MSI2: variants seen among roughly 807,000 people sequenced by gnomAD.
MSI2 encodes RNA-binding protein Musashi homolog 2.
MSI2 carries 17 observed loss-of-function variants against 45.6 expected under a neutral mutation model. That is an observed-to-expected ratio of 0.37 (90% confidence interval 0.26 to 0.56). The LOEUF (loss-of-function observed/expected upper bound fraction) is 0.56. MSI2 is among the 20% of genes least tolerant of loss of function. The pLI, the probability that MSI2 is intolerant of heterozygous loss-of-function variation, is 0.77. For missense variants in MSI2, 293 were observed against 444.2 expected, an observed-to-expected ratio of 0.66 and a Z score of 3.06; for synonymous variants, 156 against 158.2, an observed-to-expected ratio of 0.99 and a Z score of 0.11.
chr17:57,535,501 C>T (rs1022782503), intron 7 of MSI2, among the ~76,000 whole-genome samples: 5 of 152,180 alleles, frequency 3.3e-5, no homozygotes, highest in African/African-American at 4.8e-5. Flanking sequence ...ACAGGAGACA[C>T]GGGGAGAGAA....
intron 5 of MSI2, among the ~76,000 whole-genome samples, chr17:57,315,770 C>A (rs541097682): frequency 6.6e-6 from 1 of 152,284 alleles, no homozygotes. Context: ...TGGGAGACTT[C>A]TTCCGTGGAA....
chr17:57,544,847 G>A (rs2087127900), intron 7 of MSI2, among the ~76,000 whole-genome samples: 1 of 152,190 alleles, frequency 6.6e-6, no homozygotes. Flanking sequence ...TTCAAAGGAT[G>A]CTTAAACTCA....
intron 10 of MSI2, among the ~76,000 whole-genome samples, chr17:57,648,787 C>G (rs1910892728): frequency 6.6e-6 from 1 of 152,188 alleles, no homozygotes; most frequent in Admixed American, 6.5e-5. Flanking sequence ...GCACTCTCTG[C>G]TAAGGCAGTC....
intron 5 of MSI2, among the ~76,000 whole-genome samples, chr17:57,365,543 G>T (rs933363208): frequency 2.9e-4 from 44 of 152,156 alleles, no homozygotes; most frequent in Non-Finnish European, 5.4e-4. Context: ...GCAGGGTAGA[G>T]GGTGACCTGG....
At chr17:57,310,339 T>C (rs1420457446) in intron 5 of MSI2, among the ~76,000 whole-genome samples, 1 of 151,874 alleles carries the variant, frequency 6.6e-6, no homozygotes, top group African/African-American at 2.4e-5. Flanking sequence ...TGTGTTATTT[T>C]TTTTTTTTTT....
At chr17:57,404,234 A>C (rs1598222738) in intron 6 of MSI2, among the ~76,000 whole-genome samples, 1 of 152,024 alleles carries the variant, frequency 6.6e-6, no homozygotes, top group East Asian at 1.9e-4. Flanking sequence ...GCTCTCCAGG[A>C]GGTAGAGCTG....
chr17:57,460,152 T>C (rs968953345), intron 6 of MSI2, among the ~76,000 whole-genome samples: 3 of 150,282 alleles, frequency 2.0e-5, no homozygotes, highest in Non-Finnish European at 3.0e-5. Flanking sequence ...AATAAATAAA[T>C]AAATAAATAA....
intron 6 of MSI2, among the ~76,000 whole-genome samples, chr17:57,496,015 C>A (rs2143834215): frequency 6.6e-6 from 1 of 152,262 alleles, no homozygotes; most frequent in Admixed American, 6.5e-5. Context: ...AGTTAATATA[C>A]TTGAATGATA....
intron 5 of MSI2, among the ~76,000 whole-genome samples, chr17:57,289,228 A>G (rs77841264): frequency 0.043 from 6,617 of 152,234 alleles, 248 homozygotes; most frequent in East Asian, 0.18. Context: ...CTTTTGGTTA[A>G]GTGAAAGGGC....
In MSI2 at chr17:57,652,201, C is replaced by T. The variant is rs1449626895; in HGVS notation, c.790+40C>T. On this transcript the variant is annotated intron_variant, in intron 11 of 13. Coordinates refer to ENST00000284073, the MANE Select transcript of MSI2 (RefSeq NM_138962.4). This position sits in a 1 kb window ranked among gnomAD's most constrained non-coding sequence, Gnocchi z 4.1. ...GGGACAGGCGACTCCCAGGCATGCC[C>T]CCAGTGTGCAGGGGGAGGTCAAGGC... 1 of 1,593,528 alleles carries T rather than the reference C, an allele frequency of 6.3e-7. No individual in the cohort carries two copies. Among genetic ancestry groups the T allele is most frequent in the South Asian group, 1.1e-5 (1 of 90,636 alleles).
chr17:57,533,756 C>T (rs1047398399), intron 7 of MSI2, among the ~76,000 whole-genome samples: 1 of 152,176 alleles, frequency 6.6e-6, no homozygotes, highest in Admixed American at 6.5e-5. Context: ...CAGGGGTCCC[C>T]AGCTGGGGTG....
intron 6 of MSI2, among the ~76,000 whole-genome samples, chr17:57,508,538 G>A (rs2086285091): frequency 6.6e-6 from 1 of 152,190 alleles, no homozygotes; most frequent in Admixed American, 6.5e-5. Context: ...ATGCTGGCTG[G>A]GAAGAAGTCT....
chr17:57,462,865 T>C (rs78436798), intron 6 of MSI2, among the ~76,000 whole-genome samples: 6,074 of 152,320 alleles, frequency 0.04, 374 homozygotes, highest in African/African-American at 0.13. Context: ...GGCACCTTCC[T>C]GTTATAGTCT....
rs111694739 is a variant in MSI2, at chr17:57,365,876, T to C, written c.313-35503T>C. Among the ~76,000 whole-genome samples, 406 of 152,294 alleles carry C rather than the reference T, an allele frequency of 2.7e-3. 2 individuals carry two copies. Among genetic ancestry groups the C allele is most frequent in the African/African-American group, 9.2e-3 (383 of 41,558 alleles). ...GTATCTCAGTATCTTCTACAGATTG[T>C]GGCACATAGTAGAGTCTCAGTAAAT... On this transcript the variant is annotated intron_variant, in intron 5 of 13. Coordinates refer to ENST00000284073, the MANE Select transcript of MSI2 (RefSeq NM_138962.4).
chr17:57,626,370 A>G (rs867548220), intron 9 of MSI2: 1 of 152,186 alleles, frequency 6.6e-6, no homozygotes, highest in Non-Finnish European at 1.5e-5. Context: ...AGCAGCCACA[A>G]TGACTCCCTG....
chr17:57,614,119 C>T (rs538476874), intron 8 of MSI2, among the ~76,000 whole-genome samples: 3 of 152,102 alleles, frequency 2.0e-5, no homozygotes, highest in Admixed American at 6.5e-5. Context: ...GGTGCGATCT[C>T]GGCTCACTAC....
intron 4 of MSI2, chr17:57,259,861 C>G (rs1413131350): frequency 6.6e-6 from 1 of 152,218 alleles, no homozygotes; most frequent in African/African-American, 2.4e-5. Context: ...GCTGGTGGGT[C>G]ATATTCCTCT....
intron 8 of MSI2, 140 bp from the exon 9 acceptor site, chr17:57,615,830 C>A: frequency 1.6e-6 from 1 of 624,754 alleles, no homozygotes; most frequent in Non-Finnish European, 2.8e-6. Flanking sequence ...ATTTTGCAGG[C>A]CATTTACTCG....
intron 7 of MSI2, among the ~76,000 whole-genome samples, chr17:57,564,244 G>A (rs116988267): frequency 3.1e-3 from 477 of 152,324 alleles, no homozygotes; most frequent in Admixed American, 6.3e-3. Context: ...ATATTTATGG[G>A]CACTGGCCCA....
Sources: allele counts gnomAD v4.1 joint callset (sites outside exome capture counted in the v4.1 genomes callset), GRCh38; gene constraint gnomAD v4.1.1; non-coding constraint Gnocchi (gnomAD v3.1); transcripts MANE v1.5; gene names NCBI Gene and HGNC (gene_info 2026-07-23, HGNC 2026-07-21).